Variants in GLRB observed in about 807,000 individuals in gnomAD.
GLRB encodes glycine receptor beta, also known as glycine receptor subunit beta.
In GLRB, 33 loss-of-function variants were observed where a neutral mutation model predicts 54.2. The ratio of observed to expected loss-of-function variants is 0.61; its 90% CI spans 0.46 to 0.81. The LOEUF is 0.81. Among genes scored for constraint, GLRB ranks in the 40% least tolerant of loss-of-function variants. The pLI, the probability that GLRB is intolerant of heterozygous loss-of-function variation, is 0.00. For missense variants in GLRB, 572 were observed against 584.6 expected (o/e 0.98, Z 0.22); for synonymous variants, 209 against 208.2 (o/e 1.00, Z -0.03).
At chr4:157,159,151 G>A (rs998708028) in intron 9 of GLRB, among the ~76,000 whole-genome samples, 6 of 152,028 alleles carry the variant, frequency 3.9e-5, no homozygotes, top group Non-Finnish European at 5.9e-5. Context: ...TTGGTGTATA[G>A]GAATGCTTGT....
In GLRB at chr4:157,136,640, AC is replaced by A. The variant is rs1560962636; in HGVS notation, c.472del (p.Gln158ArgfsTer18). The part of the protein sequence containing the change: ...NEKSANFHDV[T>X]QENILLFIFR... Reference sequence around the variant, plus strand: ...AAAAAGTGCCAATTTTCATGATGTGACCCAGGAAAACATCCTCCTCTTTATT... The same window carrying A: ...AAAAAGTGCCAATTTTCATGATGTGACCAGGAAAACATCCTCCTCTTTATT... On this transcript the variant is annotated frameshift_variant, in exon 5 of 10. Coordinates refer to ENST00000264428, the MANE Select transcript of GLRB (RefSeq NM_000824.5). LOFTEE classifies it high-confidence loss of function. The A allele has an allele frequency of 3.1e-6, 5 of 1,613,088 alleles. No homozygotes were observed. Among genetic ancestry groups the A allele is most frequent in the African/African-American group, 2.7e-5 (2 of 74,848 alleles).
chr4:157,107,892 C>T (rs940859123), intron 2 of GLRB, among the ~76,000 whole-genome samples: 1 of 152,058 alleles, frequency 6.6e-6, no homozygotes, highest in African/African-American at 2.4e-5. Context: ...TTGTTAAGGG[C>T]TAATGCAACT....
Position 157,138,800 on chromosome 4 carries a change from TG to T in GLRB, c.611-8del. ...TTTTAAACTAACATTTATTTGTTTT[TG>T]TTTATAGTTGGTTACACAACTGATG... On this transcript the variant is annotated splice_region_variant and splice_polypyrimidine_tract_variant and intron_variant, in intron 6 of 9. Coordinates refer to ENST00000264428, the MANE Select transcript of GLRB (RefSeq NM_000824.5). 1 of 1,392,826 alleles carries T rather than the reference TG, an allele frequency of 7.2e-7. No homozygotes were observed. The highest frequency in any genetic ancestry group is 1.2e-5 in the South Asian group (1 of 83,552). 86.3% of individuals were successfully genotyped at this position (1,392,826 alleles called of 1,614,324 possible). A position where few individuals can be genotyped will look rare whatever the true frequency, so the allele number is the denominator to read the frequency against.
intron 8 of GLRB, among the ~76,000 whole-genome samples, chr4:157,144,616 C>G (rs1049833544): frequency 2.0e-5 from 3 of 152,162 alleles, no homozygotes; most frequent in Non-Finnish European, 2.9e-5. Flanking sequence ...ATGTACATTG[C>G]ATCAACAAAT....
At chr4:157,138,203 C>T (rs1279511783) in intron 6 of GLRB, among the ~76,000 whole-genome samples, 1 of 152,060 alleles carries the variant, frequency 6.6e-6, no homozygotes, top group Admixed American at 6.6e-5. Flanking sequence ...TCCTGAGTAG[C>T]TGAGATCACA....
chr4:157,125,307 T>G (rs1315816728), intron 4 of GLRB, among the ~76,000 whole-genome samples: 1 of 151,832 alleles, frequency 6.6e-6, no homozygotes, highest in Non-Finnish European at 1.5e-5. Context: ...ATATATAAGA[T>G]GCACATTCAT....
At chr4:157,120,427 A>G (rs1735769669) in intron 2 of GLRB, 129 bp from the exon 3 acceptor site, 3 of 310,022 alleles carry the variant, frequency 9.7e-6, no homozygotes, top group African/African-American at 2.4e-5. Flanking sequence ...TAAATAAAAA[A>G]AAGAAGAAAA....
intron 2 of GLRB, among the ~76,000 whole-genome samples, chr4:157,111,880 T>C (rs2126508783): frequency 6.6e-6 from 1 of 152,128 alleles, no homozygotes; most frequent in East Asian, 1.9e-4. Context: ...TCAGTCCTCA[T>C]CTCAACCTCT....
chr4:157,120,372 T>C (rs967753982), intron 2 of GLRB, among the ~76,000 whole-genome samples, 184 bp from the exon 3 acceptor site: 2 of 147,460 alleles, frequency 1.4e-5, no homozygotes, highest in Non-Finnish European at 3.0e-5. Context: ...ACCCTAAAAC[T>C]TAAAATATAA....
At chr4:157,102,481 C>G (rs986440329) in intron 2 of GLRB, among the ~76,000 whole-genome samples, 1 of 152,084 alleles carries the variant, frequency 6.6e-6, no homozygotes, top group South Asian at 2.1e-4. Context: ...ATTATGTCCT[C>G]GGGGTTTATC....
At chr4:157,150,148 A>G (rs1473228781) in intron 8 of GLRB, among the ~76,000 whole-genome samples, 4 of 152,160 alleles carry the variant, frequency 2.6e-5, no homozygotes, top group Middle Eastern at 6.8e-3. Flanking sequence ...CAACCTCCTT[A>G]TATAGCTTAT....
intron 2 of GLRB, among the ~76,000 whole-genome samples, chr4:157,108,744 G>C (rs1364088318): frequency 2.6e-5 from 4 of 152,026 alleles, no homozygotes; most frequent in Non-Finnish European, 5.9e-5. Context: ...GAGTTTGAGA[G>C]GATTCACTCC....
intron 9 of GLRB, among the ~76,000 whole-genome samples, chr4:157,153,376 G>T (rs889367546): frequency 6.6e-6 from 1 of 152,084 alleles, no homozygotes; most frequent in African/African-American, 2.4e-5. Context: ...TGAAAGGCCC[G>T]AGGACTGTGG....
At chr4:157,138,008 A>T (rs926844027) in intron 6 of GLRB, among the ~76,000 whole-genome samples, 3 of 151,970 alleles carry the variant, frequency 2.0e-5, no homozygotes, top group Non-Finnish European at 2.9e-5. Context: ...CCTTTGAGGG[A>T]TTATTTTATT....
chr4:157,170,919 C>T lies in GLRB; in HGVS notation c.*191C>T, dbSNP rs542500726. 9 of 526,178 alleles carry T rather than the reference C, an allele frequency of 1.7e-5. No individual in the cohort carries two copies. Among genetic ancestry groups the T allele is most frequent in the South Asian group, 2.8e-5 (1 of 35,342 alleles). 32.6% of individuals were successfully genotyped at this position (526,178 alleles called of 1,614,324 possible). A position where few individuals can be genotyped will look rare whatever the true frequency, so the allele number is the denominator to read the frequency against. On this transcript the variant is annotated 3_prime_UTR_variant, in exon 10 of 10. Coordinates refer to ENST00000264428, the MANE Select transcript of GLRB (RefSeq NM_000824.5). ...TCATGTAATATCTGTGCTCTAATAA[C>T]GATGTATATATGTATAGTGAACATA...
intron 6 of GLRB, among the ~76,000 whole-genome samples, chr4:157,137,172 G>A (rs1579229918): frequency 6.6e-6 from 1 of 151,870 alleles, no homozygotes; most frequent in Non-Finnish European, 1.5e-5. Context: ...ATACAGGCAA[G>A]GTAAAAGAGA....
At chr4:157,087,596 G>T (rs1273606326) in intron 2 of GLRB, among the ~76,000 whole-genome samples, 1 of 152,004 alleles carries the variant, frequency 6.6e-6, no homozygotes, top group South Asian at 2.1e-4. Flanking sequence ...AGTGGAAAAA[G>T]AATACACAAA....
At chr4:157,103,414 C>T (rs1453814141) in intron 2 of GLRB, among the ~76,000 whole-genome samples, 2 of 152,094 alleles carry the variant, frequency 1.3e-5, no homozygotes, top group Non-Finnish European at 2.9e-5. Context: ...TGTTTAGCTG[C>T]TAAAGAAAAG....
rs183110418 is a variant in GLRB, at chr4:157,159,529, G to C, written c.1197+6519G>C. ...CCCATCAATACCTAATTTATTGAGA[G>C]TTTTTAGCATGAAGGGCTGTTGAAT... On this transcript the variant is annotated intron_variant, in intron 9 of 9. Transcript: ENST00000264428. 2.0e-3 allele frequency among the ~76,000 whole-genome samples: 311 copies of C among 152,244 alleles called. 2 individuals carry two copies. The highest frequency in any genetic ancestry group is 7.2e-3 in the African/African-American group (300 of 41,538).
Sources: allele counts gnomAD v4.1 joint callset (sites outside exome capture counted in the v4.1 genomes callset), GRCh38; gene constraint gnomAD v4.1.1; transcripts MANE v1.5; gene names NCBI Gene and HGNC (gene_info 2026-07-23, HGNC 2026-07-21).